SAMD9: variants seen among roughly 807,000 people sequenced by gnomAD.
SAMD9 encodes sterile alpha motif domain containing 9.
SAMD9 carries 3 observed loss-of-function variants against 1.5 expected under a neutral mutation model. That is an observed-to-expected ratio of 2.05 (90% CI 0.93 to 5.29). The LOEUF (loss-of-function observed/expected upper bound fraction) is 5.29, where lower values mean the gene tolerates loss of function less well. SAMD9 is among the 30% of genes most tolerant of loss of function. SAMD9 has a pLI of 0.02. For missense variants in SAMD9, 1,597 were observed against 1,820.8 expected (o/e 0.88, Z 2.24); for synonymous variants, 635 against 631.9 (o/e 1.00, Z -0.07).
chr7:93,106,706 T>C (rs1419320405), intron 2 of SAMD9, among the ~76,000 whole-genome samples: 1 of 152,234 alleles, frequency 6.6e-6, no homozygotes, highest in Non-Finnish European at 1.5e-5. Context: ...ATTCTAATCA[T>C]TTGTGTTCTC....
chr7:93,116,429 T>G (rs1486960357), intron 1 of SAMD9, among the ~76,000 whole-genome samples: 4 of 152,196 alleles, frequency 2.6e-5, no homozygotes, highest in Non-Finnish European at 5.9e-5. Context: ...ACTATGAATA[T>G]TTCAAATGTC....
chr7:93,103,629 A>T lies in SAMD9; in HGVS notation c.2469T>A (p.Ile823=), dbSNP rs1368177635. The T allele has an allele frequency of 1.4e-5, 22 of 1,613,622 alleles. No homozygotes were observed. The highest frequency in any genetic ancestry group is 1.9e-5 in the Non-Finnish European group (22 of 1,179,742). ...SIQTAIAKKY[I]RYEKPLVIIL... is the part of the protein sequence containing the mutation. Reference sequence around the variant, plus strand: ...TAATCACCAGAGGTTTTTCATATCGAATGTACTTTTTAGCTATAGCTGTTT... The same window carrying T: ...TAATCACCAGAGGTTTTTCATATCGTATGTACTTTTTAGCTATAGCTGTTT... The change falls in exon 3 of 3, where the codon ATT becomes ATA. Residue 823 remains isoleucine, a synonymous_variant. Transcript: ENST00000379958.
Position 93,103,250 on chromosome 7 carries a change from A to G in SAMD9, c.2848T>C (p.Phe950Leu), listed in dbSNP as rs1267586744. The G allele has an allele frequency of 1.2e-6, 2 of 1,613,770 alleles. No individual in the cohort carries two copies. The highest frequency in any genetic ancestry group is 2.2e-5 in the South Asian group (2 of 91,076). Reference sequence around the variant, plus strand: ...TCTTCAAATTTTTCTGTCCCCCAGAAAGCCTTCTTGTTTCCAATTCCTAAG... The same window carrying G: ...TCTTCAAATTTTTCTGTCCCCCAGAGAGCCTTCTTGTTTCCAATTCCTAAG... ...KFLGIGNKKA[F>L]WGTEKFEDKM... is the part of the protein sequence containing the mutation. Residue 950 changes from phenylalanine to leucine, a missense_variant, in exon 3 of 3, where the codon TTC becomes CTC. Phe to Leu is a conservative substitution (Grantham distance 22). Around this residue, in one of 6 missense-constraint regions of SAMD9, gnomAD observed 682 missense variants for 810.0 expected, o/e 0.84. Transcript: ENST00000379958.
rs1791540075 is a variant in SAMD9 at position 93,102,038 on chromosome 7, T to G, written c.4060A>C (p.Ser1354Arg). 4.3e-6 allele frequency: 7 copies of G among 1,613,364 alleles called. No individual in the cohort carries two copies. The highest frequency in any genetic ancestry group is 5.9e-6 in the Non-Finnish European group (7 of 1,179,694). ...FSGLLEYLIK[S>R]QEDAISTMKC... ...ATAGTGCTTATAGCATCCTCTTGAC[T>G]TTTGATAAGATATTCCAAGAGCCCA... The change falls in exon 3 of 3, where the codon AGT becomes CGT. Residue 1354 changes from serine (S) to arginine (R), a missense_variant. Ser to Arg is a moderately radical substitution (Grantham distance 110, BLOSUM62 -1). Around this residue, in one of 6 missense-constraint regions of SAMD9, gnomAD observed 682 missense variants for 810.0 expected, o/e 0.84. Transcript: ENST00000379958.
At chr7:93,106,241 A>G (rs1791643051) in intron 2 of SAMD9, 136 bp from the exon 3 acceptor site, 1 of 514,612 alleles carries the variant, frequency 1.9e-6, no homozygotes, top group Non-Finnish European at 3.2e-6. Flanking sequence ...CTCTTGAGAG[A>G]ATGTGACTAT....
Position 93,106,115 on chromosome 7 carries a change from G to A in SAMD9, c.-8-10C>T. ...TTTGCCATTCTGATACCTATATGTA[G>A]AAAAAGAAAAATTATTTAGTATTAT... is the stretch of plus-strand genomic sequence containing the variant. On this transcript the variant is annotated splice_polypyrimidine_tract_variant and intron_variant, in intron 2 of 2. Transcript: ENST00000379958. 6.6e-7 allele frequency: 1 copy of A among 1,520,816 alleles called. No individual in the cohort carries two copies. Among genetic ancestry groups the A allele is most frequent in the East Asian group, 2.3e-5 (1 of 43,582 alleles). 94.2% of individuals were successfully genotyped at this position (1,520,816 alleles called of 1,614,324 possible). A position where few individuals can be genotyped will look rare whatever the true frequency, so the allele number is the denominator to read the frequency against.
intron 2 of SAMD9, among the ~76,000 whole-genome samples, chr7:93,107,003 A>G (rs73404653): frequency 0.013 from 2,031 of 152,120 alleles, 49 homozygotes; most frequent in African/African-American, 0.046. Flanking sequence ...CTTACCCAAG[A>G]TGTGTTGACC....
In SAMD9 at chr7:93,103,950, T is replaced by G. The variant is rs763200702; in HGVS notation, c.2148A>C (p.Ala716=). 1 of 1,613,148 alleles carries G rather than the reference T, an allele frequency of 6.2e-7. No individual in the cohort carries two copies. The highest frequency in any genetic ancestry group is 1.7e-5 in the Admixed American group (1 of 59,912). Residue 716 remains alanine, a synonymous_variant, in exon 3 of 3, where the codon GCA becomes GCC. Transcript: ENST00000379958. ...AAGAATCTGCACAGTTTTGAATCAT[T>G]GCTTCAAGTCTTTCATATTTATCCC... The part of the protein sequence containing the change: ...VKRDKYERLE[A]MIQNCADSSK...
chr7:93,116,320 A>G (rs978010259), intron 1 of SAMD9, among the ~76,000 whole-genome samples: 6 of 152,220 alleles, frequency 3.9e-5, no homozygotes, highest in South Asian at 2.1e-4. Flanking sequence ...AGGTTCTCAT[A>G]TAAGAGTGTG....
chr7:93,108,993 G>C (rs924552514), intron 2 of SAMD9, among the ~76,000 whole-genome samples: 1 of 152,206 alleles, frequency 6.6e-6, no homozygotes, highest in South Asian at 2.1e-4. Flanking sequence ...GAATGGACAG[G>C]CTGCCTCCTC....
At chr7:93,113,136 C>T (rs1453153305) in intron 2 of SAMD9, among the ~76,000 whole-genome samples, 2 of 152,112 alleles carry the variant, frequency 1.3e-5, no homozygotes, top group East Asian at 3.8e-4. Context: ...ACAGAGTCCT[C>T]AGAAATAATA....
At chr7:93,113,370 A>T (rs994337127) in intron 2 of SAMD9, among the ~76,000 whole-genome samples, 1 of 152,238 alleles carries the variant, frequency 6.6e-6, no homozygotes, top group Non-Finnish European at 1.5e-5. Context: ...AACCTAGGCA[A>T]TACCATTCAG....
In SAMD9 at chr7:93,100,046, T is replaced by A. The variant is rs1024497041; in HGVS notation, c.*1282A>T. 1 of 152,190 alleles carries A rather than the reference T, an allele frequency of 6.6e-6. No individual in the cohort carries two copies. The highest frequency in any genetic ancestry group is 2.4e-5 in the African/African-American group (1 of 41,464). 9.4% of individuals were successfully genotyped at this position (152,190 alleles called of 1,614,324 possible). On this transcript the variant is annotated 3_prime_UTR_variant, in exon 3 of 3. Transcript: ENST00000379958. ...CTCAAATTAGGATCTAAAGTCTATA[T>A]GTTGCCCTTTAGTTGTTAAGTCCCT...
rs1318639709 is a variant in SAMD9 at position 93,105,298 on chromosome 7, A to C, written c.800T>G (p.Met267Arg). 2 of 1,614,000 alleles carry C rather than the reference A, an allele frequency of 1.2e-6. No individual in the cohort carries two copies. The highest frequency in any genetic ancestry group is 2.2e-5 in the South Asian group (2 of 91,080). The change falls in exon 3 of 3, where the codon ATG becomes AGG. Residue 267 changes from methionine (M) to arginine (R), a missense_variant. Met to Arg is a moderately conservative substitution (Grantham distance 91). This residue lies in a region of SAMD9 where 498 missense variants were observed against 457.4 expected (regional missense o/e 1.09). Coordinates refer to ENST00000379958, the MANE Select transcript of SAMD9 (RefSeq NM_017654.4). ...ATGGTCTTCAAAATACTTGTTTATCATCAGATTGAAATGGTTAATGAGGGC... is the reference window on the plus strand; with the variant it reads ...ATGGTCTTCAAAATACTTGTTTATCCTCAGATTGAAATGGTTAATGAGGGC... ...KEALINHFNL[M>R]INKYFEDHQV...
rs776649684 is a variant in SAMD9 at position 93,105,919 on chromosome 7, G to T, written c.179C>A (p.Thr60Lys). Reference protein sequence around the residue: ...KKEHLVDMGITHGPAIQIEEL... With the variant: ...KKEHLVDMGIKHGPAIQIEEL... ...TTCTATTTGAATAGCTGGTCCATGT[G>T]TGATGCCCATATCAACAAGATGTTC... Residue 60 changes from threonine to lysine, a missense_variant, in exon 3 of 3, where the codon ACA becomes AAA. Transcript: ENST00000379958. 6.2e-7 allele frequency: 1 copy of T among 1,613,544 alleles called. No homozygotes were observed. The highest frequency in any genetic ancestry group is 1.1e-5 in the South Asian group (1 of 90,998).
chr7:93,116,879 A>AT (rs1374070841), intron 1 of SAMD9, among the ~76,000 whole-genome samples: 1 of 152,148 alleles, frequency 6.6e-6, no homozygotes, highest in Non-Finnish European at 1.5e-5. Flanking sequence ...ACCCACATAC[A>AT]TTTTTTAACT....
chr7:93,112,470 A>T (rs1320244901), intron 2 of SAMD9, among the ~76,000 whole-genome samples: 1 of 152,236 alleles, frequency 6.6e-6, no homozygotes, highest in Non-Finnish European at 1.5e-5. Context: ...ATTAGGCAGG[A>T]TAAAGAAATA....
Position 93,103,384 on chromosome 7 carries a change from A to G in SAMD9, c.2714T>C (p.Leu905Pro), listed in dbSNP as rs1295016722. 7.4e-6 allele frequency: 12 copies of G among 1,613,438 alleles called. No individual in the cohort carries two copies. The highest frequency in any genetic ancestry group is 1.3e-5 in the African/African-American group (1 of 74,910). ...CTTGGTGAAAATATTCTGCCCTTTCAGGATATTCCGGACCACATTTTCTAT... is the reference window on the plus strand; with the variant it reads ...CTTGGTGAAAATATTCTGCCCTTTCGGGATATTCCGGACCACATTTTCTAT... ...EYIENVVRNI[L>P]KGQNIFTKEA... is the part of the protein sequence containing the mutation. The change falls in exon 3 of 3, where the codon CTG becomes CCG. Residue 905 changes from leucine (L) to proline (P), a missense_variant. By Grantham distance (98) the Leu-to-Pro change is moderately conservative. Around this residue, in one of 6 missense-constraint regions of SAMD9, gnomAD observed 682 missense variants for 810.0 expected, o/e 0.84. Transcript: ENST00000379958.
At chr7:93,117,615 G>A (rs1016069281) in intron 1 of SAMD9, among the ~76,000 whole-genome samples, 4 of 152,094 alleles carry the variant, frequency 2.6e-5, no homozygotes, top group Non-Finnish European at 2.9e-5. Context: ...TGCCTTGGGA[G>A]AGTTCATCAA....
Sources: allele counts gnomAD v4.1 joint callset (sites outside exome capture counted in the v4.1 genomes callset), GRCh38; gene constraint gnomAD v4.1.1; regional missense constraint gnomAD v4.1.1; transcripts MANE v1.5; gene names NCBI Gene and HGNC (gene_info 2026-07-23, HGNC 2026-07-21).